ACSS3: variants seen among roughly 807,000 people sequenced by gnomAD.
The protein encoded by ACSS3 is acyl-CoA synthetase short chain family member 3.
Under a neutral mutation model 84.2 loss-of-function variants are expected in ACSS3, and 64 were observed. The observed-to-expected ratio is 0.76, with a 90% confidence interval of 0.62 to 0.94. The LOEUF (loss-of-function observed/expected upper bound fraction) is 0.94, where lower values mean the gene tolerates loss of function less well. Among genes scored for constraint, ACSS3 ranks in the 40% least tolerant of loss-of-function variants. The pLI is 0.00. For missense variants in ACSS3, 815 were observed against 867.6 expected, an observed-to-expected ratio of 0.94 and a Z score of 0.76; for synonymous variants, 317 against 310.1, an observed-to-expected ratio of 1.02 and a Z score of -0.23.
chr12:81,232,417 G>A (rs146591501), intron 12 of ACSS3, among the ~76,000 whole-genome samples: 17 of 151,840 alleles, frequency 1.1e-4, no homozygotes, highest in Non-Finnish European at 1.6e-4. Context: ...GTAACTTCCC[G>A]TGAGTTCAAA....
chr12:81,079,505 C>G (rs1269026864), intron 1 of ACSS3, among the ~76,000 whole-genome samples: 2 of 152,174 alleles, frequency 1.3e-5, no homozygotes, highest in Non-Finnish European at 2.9e-5. Flanking sequence ...TTGGCTAGAG[C>G]CTGTTCTGTG....
chr12:81,105,972 C>A (rs1332907727), intron 1 of ACSS3, among the ~76,000 whole-genome samples: 1 of 152,088 alleles, frequency 6.6e-6, no homozygotes, highest in Non-Finnish European at 1.5e-5. Context: ...TGACTGAATT[C>A]AAGGAACTGC....
Position 81,253,630 on chromosome 12 carries a change from G to T in ACSS3, c.1955G>T (p.Arg652Leu). 6.2e-7 allele frequency: 1 copy of T among 1,613,836 alleles called. No individual in the cohort carries two copies. Among genetic ancestry groups the T allele is most frequent in the Non-Finnish European group, 8.5e-7 (1 of 1,179,838 alleles). ...AAAACCAGATCTGGCAAGATCCCCC[G>T]ATCAGCTTTATCTGCCATTGTCAAT... is the stretch of plus-strand genomic sequence containing the variant. ...LPKTRSGKIP[R>L]SALSAIVNGK... The change falls in exon 15 of 16, where the codon CGA (arginine) becomes CTA (leucine). Residue 652 changes from arginine (R) to leucine (L), a missense_variant. By Grantham distance (102) the Arg-to-Leu change is moderately radical. Transcript: ENST00000548058.
At chr12:81,171,366 A>G (rs1297406709) in intron 7 of ACSS3, among the ~76,000 whole-genome samples, 1 of 152,156 alleles carries the variant, frequency 6.6e-6, no homozygotes, top group African/African-American at 2.4e-5. Flanking sequence ...CCTTAATTTC[A>G]TAATTGTTTT....
chr12:81,254,755 C>A, intron 15 of ACSS3, 102 bp from the exon 16 acceptor site: 1 of 910,234 alleles, frequency 1.1e-6, no homozygotes, highest in African/African-American at 1.7e-5. Context: ...ATGAATATTA[C>A]AAGACAATGG....
chr12:81,090,073 C>T (rs1192146100), intron 1 of ACSS3, among the ~76,000 whole-genome samples: 1 of 151,896 alleles, frequency 6.6e-6, no homozygotes. Flanking sequence ...AAATGTTAAT[C>T]GGGATTTAAC....
At chr12:81,198,929 C>A (rs2135894884) in intron 8 of ACSS3, among the ~76,000 whole-genome samples, 1 of 152,216 alleles carries the variant, frequency 6.6e-6, no homozygotes, top group South Asian at 2.1e-4. Flanking sequence ...GCTGCCTTAG[C>A]CAACACTTAT....
chr12:81,163,451 A>G (rs1887252133), intron 7 of ACSS3, among the ~76,000 whole-genome samples: 1 of 152,168 alleles, frequency 6.6e-6, no homozygotes, highest in African/African-American at 2.4e-5. Context: ...TGTGCAGCAC[A>G]TTAATACTTG....
At position 81,213,863 on chromosome 12, in the gene ACSS3, CCTTT is replaced by C. The variant is rs758779710; in HGVS notation, c.1355-3020_1355-3017del. 1.2e-3 allele frequency among the ~76,000 whole-genome samples: 115 copies of C among 98,286 alleles called. 3 individuals are homozygous for C. Among genetic ancestry groups the C allele is most frequent in the East Asian group, 2.1e-3 (7 of 3,302 alleles). The allele number at this position is 98,286 out of a possible 152,430, so 64.5% of individuals were successfully genotyped here. A position where few individuals can be genotyped will look rare whatever the true frequency, so the allele number is the denominator to read the frequency against. ...CTTCTCTCCTCTCCTCTCTTCTCTT[CCTTT>C]CTTTCTTTCTTTCTTTCCTTTCTTT... On this transcript the variant is annotated intron_variant, in intron 9 of 15. Transcript: ENST00000548058.
At position 81,220,019 on chromosome 12, in the gene ACSS3, T is replaced by C. The variant is rs776163824; in HGVS notation, c.1457T>C (p.Ile486Thr). The C allele has an allele frequency of 8.5e-6, 13 of 1,535,716 alleles. No homozygotes were observed. In the South Asian group the frequency reaches 1.3e-4, roughly 16 times the overall value. ...GKSVPGYNVM[I>T]LDDNMQKLKA... The stretch of plus-strand genomic sequence containing the variant: ...TTTATATTTTACTTTGTAGTTATGA[T>C]TTTGGATGACAACATGCAAAAACTG... Residue 486 changes from isoleucine (I) to threonine (T), a missense_variant, in exon 11 of 16, where the codon ATT (isoleucine) becomes ACT (threonine). By Grantham distance (89) the Ile-to-Thr change is moderately conservative. Transcript: ENST00000548058.
chr12:81,231,594 T>C (rs2033467507), intron 12 of ACSS3, among the ~76,000 whole-genome samples: 1 of 151,824 alleles, frequency 6.6e-6, no homozygotes, highest in South Asian at 2.1e-4. Flanking sequence ...TCCACTTCTT[T>C]ATTTTTGACA....
At position 81,200,925 on chromosome 12, in the gene ACSS3, G is replaced by GA. The variant is rs1040336732; in HGVS notation, c.1354+1488dup. Among the ~76,000 whole-genome samples, 17 of 147,652 alleles carry GA rather than the reference G, an allele frequency of 1.2e-4. No individual in the cohort carries two copies. The East Asian group carries it at 3.3e-3, about 29-fold the overall frequency. ...AAAAAAAGAAAAAGAAAGAAAGAAA[G>GA]AAAAAAATGTTTTTTACATCCTTTG... On this transcript the variant is annotated intron_variant, in intron 9 of 15. Transcript: ENST00000548058.
chr12:81,202,004 G>A (rs1004389471), intron 9 of ACSS3, among the ~76,000 whole-genome samples: 4 of 152,280 alleles, frequency 2.6e-5, no homozygotes. Context: ...GAAGGGCTGG[G>A]TGCGGTGGTT....
chr12:81,192,280 C>T (rs2135875954), intron 8 of ACSS3, among the ~76,000 whole-genome samples: 1 of 152,184 alleles, frequency 6.6e-6, no homozygotes, highest in Non-Finnish European at 1.5e-5. Context: ...ACTTGGGAGG[C>T]TGAGGCAGGA....
At chr12:81,231,195 T>A in intron 12 of ACSS3, 57 bp downstream of exon 12, 1 of 1,364,596 alleles carries the variant, frequency 7.3e-7, no homozygotes, top group Non-Finnish European at 1.0e-6. Flanking sequence ...AATTCTTGCC[T>A]ATTAAATTGA....
chr12:81,189,240 A>G (rs578063418), intron 8 of ACSS3, among the ~76,000 whole-genome samples: 3 of 152,338 alleles, frequency 2.0e-5, no homozygotes, highest in African/African-American at 7.2e-5. Flanking sequence ...TTGAGCATAT[A>G]TAACTAAGGT....
At chr12:81,078,739 C>T (rs1418586479) in intron 1 of ACSS3, among the ~76,000 whole-genome samples, 2 of 152,056 alleles carry the variant, frequency 1.3e-5, no homozygotes, top group Admixed American at 6.6e-5. Flanking sequence ...CTCCAGGGAC[C>T]GCACAGTCTA....
chr12:81,243,530 A>G, intron 13 of ACSS3, among the ~76,000 whole-genome samples: 1 of 152,198 alleles, frequency 6.6e-6, no homozygotes. Context: ...ATATGGAACC[A>G]AAAAAGAGCC....
chr12:81,220,265 T>C (rs1041349273), intron 11 of ACSS3, among the ~76,000 whole-genome samples, 189 bp downstream of exon 11: 2 of 152,082 alleles, frequency 1.3e-5, no homozygotes, highest in African/African-American at 4.8e-5. Context: ...CCAATTTAAA[T>C]GCAATTTTCA....
Sources: allele counts gnomAD v4.1 joint callset (sites outside exome capture counted in the v4.1 genomes callset), GRCh38; gene constraint gnomAD v4.1.1; transcripts MANE v1.5; gene names NCBI Gene and HGNC (gene_info 2026-07-23, HGNC 2026-07-21).